CFAP65: variants seen among roughly 807,000 people sequenced by gnomAD.
The protein encoded by CFAP65 is cilia- and flagella-associated protein 65.
A neutral mutation model predicts 208.0 loss-of-function variants in CFAP65; 155 were observed. The ratio of observed to expected loss-of-function variants is 0.75; its 90% confidence interval spans 0.65 to 0.85. The LOEUF (loss-of-function observed/expected upper bound fraction) is 0.85, where lower values mean the gene tolerates loss of function less well. Ranked by LOEUF, CFAP65 falls within the 40% of genes least tolerant of loss-of-function variation. The pLI is 0.00. For missense variants in CFAP65, 2,294 were observed against 2,451.3 expected (o/e 0.94, Z 1.36); for synonymous variants, 970 against 986.3 (o/e 0.98, Z 0.31).
In CFAP65 at chr2:219,006,164, C is replaced by T; in HGVS notation, c.4779G>A (p.Gln1593=). 6.2e-7 allele frequency: 1 copy of T among 1,612,654 alleles called. No individual in the cohort carries two copies. Residue 1593 remains glutamine (Q), a synonymous_variant, in exon 31 of 35, where the codon CAG becomes CAA. Coordinates refer to ENST00000341552, the MANE Select transcript of CFAP65 (RefSeq NM_194302.4). ...GCCAGGACACCTCCTCCTTTGGGGTCTGCAGTTTCCAGCTGGCAGGCCGGC... is the reference window on the plus strand; with the variant it reads ...GCCAGGACACCTCCTCCTTTGGGGTTTGCAGTTTCCAGCTGGCAGGCCGGC... The part of the protein sequence containing the change: ...SVSRPASWKL[Q]TPKEEVSWPC...
At position 219,021,226 on chromosome 2, in the gene CFAP65, A is replaced by G; in HGVS notation, c.3185T>C (p.Ile1062Thr). 2.5e-6 allele frequency: 4 copies of G among 1,608,676 alleles called. No individual in the cohort carries two copies. The highest frequency in any genetic ancestry group is 3.4e-6 in the Non-Finnish European group (4 of 1,177,294). ...GSMPPRSQDT[I>T]CLTACPKQRS... Reference sequence around the variant, plus strand: ...CTGCTTGGGACAGGCAGTCAGGCAGATGGTGTCCTGGGACCGGGGTGGCAT... The same window carrying G: ...CTGCTTGGGACAGGCAGTCAGGCAGGTGGTGTCCTGGGACCGGGGTGGCAT... The change falls in exon 19 of 35, where the codon ATC becomes ACC. Residue 1062 changes from isoleucine to threonine, a missense_variant. Physicochemically the swap from Ile to Thr is moderately conservative, Grantham distance 89. Transcript: ENST00000341552.
intron 2 of CFAP65, among the ~76,000 whole-genome samples, chr2:219,039,844 C>T (rs1948569280): frequency 6.6e-6 from 1 of 152,150 alleles, no homozygotes; most frequent in Admixed American, 6.6e-5. Flanking sequence ...CTATTGGCTA[C>T]CACATTGGAC....
At chr2:219,027,060 C>T (rs527780908) in intron 13 of CFAP65, 1 of 1,017,808 alleles carries the variant, frequency 9.8e-7, no homozygotes, top group African/African-American at 1.7e-5. Context: ...GCCCCAAGAC[C>T]TTGGCCTCTG....
chr2:219,029,023 C>T (rs762637225), intron 11 of CFAP65, among the ~76,000 whole-genome samples: 3 of 152,180 alleles, frequency 2.0e-5, no homozygotes, highest in Non-Finnish European at 4.4e-5. Flanking sequence ...AGCTCTCTGC[C>T]CTATGCATGC....
intron 10 of CFAP65, 71 bp downstream of exon 10, chr2:219,029,915 G>T: frequency 1.4e-6 from 2 of 1,461,882 alleles, no homozygotes; most frequent in Admixed American, 1.9e-5. Context: ...TAGGAGCAGG[G>T]AAGGAGCTCT....
intron 16 of CFAP65, 32 bp from the exon 17 acceptor site, chr2:219,022,361 C>T: frequency 6.4e-7 from 1 of 1,569,578 alleles, no homozygotes; most frequent in Non-Finnish European, 8.6e-7. Context: ...CTGCAGTGGC[C>T]TTCGGAAGCC....
Position 219,006,203 on chromosome 2 carries a change from G to A in CFAP65, c.4740C>T (p.Asn1580=), listed in dbSNP as rs750369211. 3.1e-6 allele frequency: 5 copies of A among 1,608,372 alleles called. No homozygotes were observed. The South Asian group carries it at 4.4e-5, about 14-fold the overall frequency. Residue 1580 remains asparagine, a synonymous_variant, in exon 31 of 35, where the codon AAC becomes AAT. Transcript: ENST00000341552. The part of the protein sequence containing the change: ...RKYKTLPPIK[N]QQSVSRPASW... ...TGGCAGGCCGGCTGACAGACTGCTG[G>A]TTCTTGATGGGAGGCAGTGTCTTTG...
intron 11 of CFAP65, among the ~76,000 whole-genome samples, chr2:219,028,816 T>C (rs1947830435): frequency 1.3e-5 from 2 of 152,128 alleles, no homozygotes; most frequent in African/African-American, 2.4e-5. Context: ...CCCCAGCCCA[T>C]ACTAAACTGT....
intron 21 of CFAP65, among the ~76,000 whole-genome samples, chr2:219,017,509 G>A (rs1231291165): frequency 1.3e-5 from 2 of 152,252 alleles, no homozygotes; most frequent in African/African-American, 4.8e-5. Context: ...AGCCTTCTAA[G>A]AAATTGAAAG....
chr2:219,029,876 C>A (rs531102762), intron 10 of CFAP65, 110 bp downstream of exon 10: 4 of 1,205,940 alleles, frequency 3.3e-6, no homozygotes, highest in East Asian at 5.0e-5. Context: ...CAGCAGACAC[C>A]CAGGCTGAGG....
Position 219,021,244 on chromosome 2 carries a change from G to A in CFAP65, c.3167C>T (p.Pro1056Leu). ...CAGGCAGATGGTGTCCTGGGACCGG[G>A]GTGGCATGCTCCCCTCTGTTCGGTC... ...QLDRTEGSMP[P>L]RSQDTICLTA... Residue 1056 changes from proline to leucine, a missense_variant, in exon 19 of 35, where the codon CCC becomes CTC. Around this residue, in one of 2 missense-constraint regions of CFAP65, gnomAD observed 1,427 missense variants for 1,438.7 expected, o/e 0.99. Coordinates refer to ENST00000341552, the MANE Select transcript of CFAP65 (RefSeq NM_194302.4). The A allele has an allele frequency of 6.2e-7, 1 of 1,607,422 alleles. No homozygotes were observed. Among genetic ancestry groups the A allele is most frequent in the East Asian group, 2.2e-5 (1 of 44,460 alleles).
intron 4 of CFAP65, among the ~76,000 whole-genome samples, chr2:219,037,220 G>A (rs1259449779): frequency 3.3e-5 from 5 of 152,094 alleles, no homozygotes; most frequent in African/African-American, 9.6e-5. Context: ...TGAAACCCCC[G>A]TCTCTACTAA....
At chr2:219,041,454 C>T (rs1948651909) in intron 1 of CFAP65, 34 bp downstream of exon 1, 1 of 1,550,100 alleles carries the variant, frequency 6.5e-7, no homozygotes, top group Non-Finnish European at 8.7e-7. Flanking sequence ...CTCCCTGAGA[C>T]CCTGGGACCT....
At position 219,031,604 on chromosome 2, in the gene CFAP65, C is replaced by A. The variant is rs200856330; in HGVS notation, c.700G>T (p.Gly234Cys). The A allele has an allele frequency of 1.9e-6, 3 of 1,614,060 alleles. No homozygotes were observed. Among genetic ancestry groups the A allele is most frequent in the East Asian group, 2.2e-5 (1 of 44,888 alleles). Residue 234 changes from glycine to cysteine, a missense_variant, in exon 7 of 35, where the codon GGC (glycine) becomes TGC (cysteine). Around this residue, in one of 2 missense-constraint regions of CFAP65, gnomAD observed 867 missense variants for 1,012.6 expected, o/e 0.86. Transcript: ENST00000341552. This position sits in a 1 kb window ranked among gnomAD's most constrained non-coding sequence, Gnocchi z 5.2. ...FEKAEGMFCV[G>C]LRATLPCHRL... ...TGGCAGGGCAGGGTGGCCCGTAGGC[C>A]GACACAGAACATCCCCTCCGCTTTC... is the stretch of plus-strand genomic sequence containing the variant.
At chr2:219,035,886 A>G (rs1948327085) in intron 4 of CFAP65, among the ~76,000 whole-genome samples, 1 of 152,162 alleles carries the variant, frequency 6.6e-6, no homozygotes. Flanking sequence ...GTCTTCCAAG[A>G]CTGGAACTGT....
At chr2:219,009,633 G>A (rs1275318156) in intron 27 of CFAP65, among the ~76,000 whole-genome samples, 173 bp from the exon 28 acceptor site, 1 of 121,714 alleles carries the variant, frequency 8.2e-6, no homozygotes, top group African/African-American at 4.1e-5. Context: ...GGATGGGATG[G>A]GATGGGATGG....
intron 24 of CFAP65, 59 bp downstream of exon 24, chr2:219,013,200 C>A (rs1351148155): frequency 1.7e-6 from 2 of 1,166,046 alleles, no homozygotes; most frequent in Non-Finnish European, 2.5e-6. Context: ...GGCTGACACT[C>A]ATACCTAGAG....
intron 21 of CFAP65, among the ~76,000 whole-genome samples, chr2:219,017,823 G>A (rs1393738201): frequency 6.6e-6 from 1 of 152,224 alleles, no homozygotes; most frequent in Non-Finnish European, 1.5e-5. Flanking sequence ...CCCACTCAAA[G>A]AGCCCAGTGA....
intron 13 of CFAP65, chr2:219,026,827 A>T: frequency 1.0e-6 from 1 of 986,322 alleles, no homozygotes; most frequent in Middle Eastern, 5.2e-4. Context: ...AGAGCCAGGC[A>T]TCTACAACCT....
Sources: allele counts gnomAD v4.1 joint callset (sites outside exome capture counted in the v4.1 genomes callset), GRCh38; gene constraint gnomAD v4.1.1; regional missense constraint gnomAD v4.1.1; non-coding constraint Gnocchi (gnomAD v3.1); transcripts MANE v1.5; gene names NCBI Gene and HGNC (gene_info 2026-07-23, HGNC 2026-07-21).